The following HERC6 variants were observed in gnomAD, a reference collection of about 807,000 sequenced individuals.
HERC6 encodes the protein HECT and RLD domain containing E3 ubiquitin protein ligase family member 6.
A neutral mutation model predicts 114.5 loss-of-function variants in HERC6; 101 were observed. That is an observed-to-expected ratio of 0.88 (90% CI 0.75 to 1.04). The LOEUF (loss-of-function observed/expected upper bound fraction) is 1.04. Ranked by LOEUF, HERC6 falls within the 50% of genes least tolerant of loss-of-function variation. The pLI is 0.00. For synonymous variants in HERC6, 408 were observed against 436.2 expected, an observed-to-expected ratio of 0.94 and a Z score of 0.81; for missense variants, 1,133 against 1,230.9, an observed-to-expected ratio of 0.92 and a Z score of 1.19.
chr4:88,433,654 A>G (rs1292973082), intron 17 of HERC6, among the ~76,000 whole-genome samples: 1 of 152,184 alleles, frequency 6.6e-6, no homozygotes, highest in Non-Finnish European at 1.5e-5. Flanking sequence ...CCCTCACCAG[A>G]TACAACTGCT....
At chr4:88,407,357 A>AG (rs1375395712) in intron 10 of HERC6, among the ~76,000 whole-genome samples, 3 of 152,164 alleles carry the variant, frequency 2.0e-5, no homozygotes, top group African/African-American at 7.2e-5. Flanking sequence ...CTGGGATTAC[A>AG]GGCGTGAGCC....
At chr4:88,383,960 T>G (rs1462773823) in intron 2 of HERC6, among the ~76,000 whole-genome samples, 1 of 151,996 alleles carries the variant, frequency 6.6e-6, no homozygotes, top group East Asian at 1.9e-4. Context: ...GGGGCCAACT[T>G]AGACCTCCAG....
rs762315069 is a variant in HERC6 at position 88,378,926 on chromosome 4, A to T, written c.5A>T (p.Tyr2Phe). Residue 2 changes from tyrosine to phenylalanine, a missense_variant, in exon 1 of 23, where the codon TAC (tyrosine) becomes TTC (phenylalanine). Around this residue, in one of 3 missense-constraint regions of HERC6, gnomAD observed 735 missense variants for 754.0 expected, o/e 0.97. Transcript: ENST00000264346. M[Y>F]FCWGADSREL... ...GCGACAGGGCGCAGAAGCGGGATGT[A>T]CTTCTGTTGGGGCGCCGACTCCAGG... 3 of 1,590,686 alleles carry T rather than the reference A, an allele frequency of 1.9e-6. No individual in the cohort carries two copies. Among genetic ancestry groups the T allele is most frequent in the Non-Finnish European group, 2.6e-6 (3 of 1,169,306 alleles).
Position 88,440,266 on chromosome 4 carries a change from C to G in HERC6, c.2842+16C>G, listed in dbSNP as rs780854993. The G allele has an allele frequency of 8.6e-6, 11 of 1,275,576 alleles. No individual in the cohort carries two copies. The African/African-American group carries it at 1.5e-4, about 17-fold the overall frequency. The allele number at this position is 1,275,576 out of a possible 1,614,324, so 79.0% of individuals were successfully genotyped here. ...AAATTCCTCTGTAAGTACTGTGGTA[C>G]TAGATGGACACATAATTATGTATCT... On this transcript the variant is annotated intron_variant, in intron 22 of 22. Transcript: ENST00000264346.
In HERC6 at chr4:88,440,185, C is replaced by G; in HGVS notation, c.2777C>G (p.Pro926Arg). The G allele has an allele frequency of 6.2e-7, 1 of 1,609,076 alleles. No homozygotes were observed. The highest frequency in any genetic ancestry group is 1.1e-5 in the South Asian group (1 of 90,182). Residue 926 changes from proline (P) to arginine (R), a missense_variant, in exon 22 of 23, where the codon CCT becomes CGT. By Grantham distance (103) the Pro-to-Arg change is moderately radical (BLOSUM62 -2). Around this residue, in one of 3 missense-constraint regions of HERC6, gnomAD observed 388 missense variants for 445.9 expected, o/e 0.87. Transcript: ENST00000264346. ...KYEQGYQKSHPTIQLFWKAFH... is the reference protein window; with the variant it reads ...KYEQGYQKSHRTIQLFWKAFH... Reference sequence around the variant, plus strand: ...GAGCAAGGATACCAAAAATCACATCCTACTATACAGTTGTTTTGGAAGGCT... The same window carrying G: ...GAGCAAGGATACCAAAAATCACATCGTACTATACAGTTGTTTTGGAAGGCT...
intron 15 of HERC6, among the ~76,000 whole-genome samples, chr4:88,426,964 T>C (rs939126722): frequency 6.6e-6 from 1 of 152,214 alleles, no homozygotes; most frequent in Non-Finnish European, 1.5e-5. Context: ...CTTCCCTTTA[T>C]GGTATTTTCT....
rs1734012021 is a variant in HERC6 at position 88,379,060 on chromosome 4, T to A, written c.139T>A (p.Cys47Ser). 1.2e-5 allele frequency: 19 copies of A among 1,555,544 alleles called. No individual in the cohort carries two copies. Among genetic ancestry groups the A allele is most frequent in the Admixed American group, 1.9e-5 (1 of 51,736 alleles). The part of the protein sequence containing the change: ...LLLTNHRVLS[C>S]GDNSRGQLGR... ...GCTGACCAACCACAGGGTCCTCTCG[T>A]GCGGAGACAACAGCAGGGGTCAGCT... Residue 47 changes from cysteine to serine, a missense_variant, in exon 1 of 23, where the codon TGC (cysteine) becomes AGC (serine). Physicochemically the swap from Cys to Ser is moderately radical, Grantham distance 112. Coordinates refer to ENST00000264346, the MANE Select transcript of HERC6 (RefSeq NM_017912.4).
intron 8 of HERC6, 99 bp from the exon 9 acceptor site, chr4:88,404,777 G>A: frequency 6.9e-7 from 1 of 1,451,054 alleles, no homozygotes; most frequent in Non-Finnish European, 9.3e-7. Context: ...ACCCAAGAGG[G>A]CAGGGCCTAT....
intron 9 of HERC6, 37 bp from the exon 10 acceptor site, chr4:88,405,517 A>G (rs2148892626): frequency 8.5e-7 from 1 of 1,183,118 alleles, no homozygotes; most frequent in Non-Finnish European, 1.2e-6. Flanking sequence ...ATGCTTTATT[A>G]TATGTTGTGA....
chr4:88,427,776 G>A (rs532265816), intron 15 of HERC6, among the ~76,000 whole-genome samples: 7 of 152,150 alleles, frequency 4.6e-5, no homozygotes, highest in Non-Finnish European at 8.8e-5. Flanking sequence ...GGCCCTATGA[G>A]GGCTACATTG....
At chr4:88,385,201 T>C (rs2110231636) in intron 2 of HERC6, among the ~76,000 whole-genome samples, 1 of 152,314 alleles carries the variant, frequency 6.6e-6, no homozygotes, top group Non-Finnish European at 1.5e-5. Flanking sequence ...AATTTATTTC[T>C]CTTTTAGGCT....
intron 8 of HERC6, among the ~76,000 whole-genome samples, chr4:88,400,389 G>A (rs1392560074): frequency 2.6e-5 from 4 of 152,160 alleles, no homozygotes; most frequent in South Asian, 2.1e-4. Context: ...TAGAGACGGC[G>A]TTTCGCCATG....
chr4:88,379,088 G>T lies in HERC6; in HGVS notation c.167G>T (p.Gly56Val). The change falls in exon 1 of 23, where the codon GGC becomes GTC. Residue 56 changes from glycine to valine, a missense_variant. Gly to Val is a moderately radical substitution (Grantham distance 109). Around this residue, in one of 3 missense-constraint regions of HERC6, gnomAD observed 735 missense variants for 754.0 expected, o/e 0.97. Coordinates refer to ENST00000264346, the MANE Select transcript of HERC6 (RefSeq NM_017912.4). ...GGAGACAACAGCAGGGGTCAGCTGGGCCGCAGGGGCGCGCAGCGCGGGGAG... is the reference window on the plus strand; with the variant it reads ...GGAGACAACAGCAGGGGTCAGCTGGTCCGCAGGGGCGCGCAGCGCGGGGAG... ...SCGDNSRGQLGRRGAQRGELP... is the reference protein window; with the variant it reads ...SCGDNSRGQLVRRGAQRGELP... 1 of 1,547,408 alleles carries T rather than the reference G, an allele frequency of 6.5e-7. No homozygotes were observed.
chr4:88,391,402 C>A (rs1354511419), intron 4 of HERC6, among the ~76,000 whole-genome samples: 1 of 152,234 alleles, frequency 6.6e-6, no homozygotes, highest in Non-Finnish European at 1.5e-5. Flanking sequence ...TTAAGGTCAA[C>A]TGATTAACAA....
intron 17 of HERC6, among the ~76,000 whole-genome samples, chr4:88,432,395 C>T (rs1475021645): frequency 6.7e-5 from 10 of 148,438 alleles, no homozygotes; most frequent in South Asian, 2.1e-4. Context: ...TTTGAGACTC[C>T]GGCTCAAAAA....
chr4:88,440,016 A>G lies in HERC6; in HGVS notation c.2698A>G (p.Ile900Val), dbSNP rs1739183601. 4 of 1,610,990 alleles carry G rather than the reference A, an allele frequency of 2.5e-6. No individual in the cohort carries two copies. In the African/African-American group the frequency reaches 4.0e-5, roughly 16 times the overall value. ...CTACCCTGAAGAACTAATGACAGCA[A>G]TCATTGGAAATACTGATTATGACTG... ...HFYPEELMTA[I>V]IGNTDYDWKQ... is the part of the protein sequence containing the mutation. The change falls in exon 21 of 23, where the codon ATC becomes GTC. Residue 900 changes from isoleucine (I) to valine (V), a missense_variant. Physicochemically the swap from Ile to Val is conservative, Grantham distance 29. Transcript: ENST00000264346.
At chr4:88,414,700 A>G (rs1020938150) in intron 12 of HERC6, among the ~76,000 whole-genome samples, 1 of 152,142 alleles carries the variant, frequency 6.6e-6, no homozygotes, top group African/African-American at 2.4e-5. Context: ...GTAAACTGTC[A>G]CGGTGCTGGT....
intron 2 of HERC6, among the ~76,000 whole-genome samples, chr4:88,385,053 A>G (rs1381009857): frequency 6.6e-6 from 1 of 152,034 alleles, no homozygotes; most frequent in South Asian, 2.1e-4. Flanking sequence ...GCTGATAGTT[A>G]TCTGGTTTTG....
chr4:88,434,765 CAAAA>C (rs761784879), intron 17 of HERC6, among the ~76,000 whole-genome samples: 1 of 103,314 alleles, frequency 9.7e-6, no homozygotes. Context: ...AAAACAGAGA[CAAAA>C]AAAAAAAAAA....
Sources: allele counts gnomAD v4.1 joint callset (sites outside exome capture counted in the v4.1 genomes callset), GRCh38; gene constraint gnomAD v4.1.1; regional missense constraint gnomAD v4.1.1; transcripts MANE v1.5; gene names NCBI Gene and HGNC (gene_info 2026-07-23, HGNC 2026-07-21).